ELOVL2: variants seen among roughly 807,000 people sequenced by gnomAD.
ELOVL2 encodes very long chain fatty acid elongase 2.
In ELOVL2, 38 loss-of-function variants were observed where a neutral mutation model predicts 37.7. That is an observed-to-expected ratio of 1.01 (90% CI 0.78 to 1.32). ELOVL2 has a LOEUF of 1.32. Among genes scored for constraint, ELOVL2 ranks in the 40% most tolerant of loss-of-function variants. The pLI is 0.00. For synonymous variants in ELOVL2, 115 were observed against 122.3 expected, an observed-to-expected ratio of 0.94 and a Z score of 0.40; for missense variants, 352 against 363.6, an observed-to-expected ratio of 0.97 and a Z score of 0.26.
chr6:11,017,170 T>C (rs542833189), intron 1 of ELOVL2, among the ~76,000 whole-genome samples: 8 of 152,320 alleles, frequency 5.3e-5, no homozygotes, highest in African/African-American at 1.9e-4. Context: ...CTAACCCTCA[T>C]GGGGAGTAAT....
Position 11,005,571 on chromosome 6 carries a change from CACAT to C in ELOVL2, c.68-16_68-13del. ...TCTGACTCGAGAATCTGAAAAGAAA[CACAT>C]ACAGTGAGGATCCTGAGGAATGATG... On this transcript the variant is annotated splice_polypyrimidine_tract_variant and intron_variant, in intron 2 of 7. Coordinates refer to ENST00000354666, the MANE Select transcript of ELOVL2 (RefSeq NM_017770.4). The C allele has an allele frequency of 6.2e-7, 1 of 1,608,606 alleles. No homozygotes were observed. Among genetic ancestry groups the C allele is most frequent in the Non-Finnish European group, 8.5e-7 (1 of 1,176,990 alleles).
intron 1 of ELOVL2, among the ~76,000 whole-genome samples, chr6:11,028,095 G>A (rs1782865489): frequency 6.6e-6 from 1 of 151,602 alleles, no homozygotes; most frequent in Non-Finnish European, 1.5e-5. Context: ...GACTTTGGGG[G>A]AAAAAAAACC....
At chr6:11,025,837 T>C (rs894120809) in intron 1 of ELOVL2, among the ~76,000 whole-genome samples, 17 of 152,252 alleles carry the variant, frequency 1.1e-4, no homozygotes, top group Admixed American at 7.8e-4. Context: ...CTCTCAGCTC[T>C]CAAAAATAAT....
chr6:11,044,276 G>T lies in ELOVL2; in HGVS notation c.-46C>A. 7.6e-7 allele frequency: 1 copy of T among 1,311,090 alleles called. No individual in the cohort carries two copies. Among genetic ancestry groups the T allele is most frequent in the Admixed American group, 4.1e-5 (1 of 24,338 alleles). The allele number at this position is 1,311,090 out of a possible 1,614,324, so 81.2% of individuals were successfully genotyped here. ...CGGCGACCCGGGCGGGCGGCGATGC[G>T]CTGTCCAGGGTAGCCGGGTCCCTCT... is the stretch of plus-strand genomic sequence containing the variant. On this transcript the variant is annotated 5_prime_UTR_variant, in exon 1 of 8. Coordinates refer to ENST00000354666, the MANE Select transcript of ELOVL2 (RefSeq NM_017770.4). The surrounding 1 kb of genome is among the most constrained non-coding windows in gnomAD (Gnocchi z 5.6).
intron 7 of ELOVL2, among the ~76,000 whole-genome samples, chr6:10,988,012 C>A (rs1328648381): frequency 6.6e-6 from 1 of 152,158 alleles, no homozygotes; most frequent in African/African-American, 2.4e-5. Context: ...ATTACCTACT[C>A]TTGCTGGGCT....
At chr6:11,030,610 G>A (rs1248571931) in intron 1 of ELOVL2, among the ~76,000 whole-genome samples, 3 of 151,976 alleles carry the variant, frequency 2.0e-5, no homozygotes, top group Non-Finnish European at 4.4e-5. Context: ...TCCTGCCTCA[G>A]CCTCCTGAGT....
intron 1 of ELOVL2, among the ~76,000 whole-genome samples, chr6:11,029,447 A>T (rs1782887781): frequency 6.6e-6 from 1 of 152,096 alleles, no homozygotes; most frequent in Non-Finnish European, 1.5e-5. Flanking sequence ...ATACTTGTAA[A>T]AGCATCTATG....
In ELOVL2 at chr6:11,000,182, A is replaced by G. The variant is rs757153809; in HGVS notation, c.256-18T>C. The G allele has an allele frequency of 3.7e-5, 59 of 1,610,960 alleles. No homozygotes were observed. In the Admixed American group the frequency reaches 3.7e-4, roughly 10 times the overall value. On this transcript the variant is annotated intron_variant, in intron 3 of 7. Transcript: ENST00000354666. Reference sequence around the variant, plus strand: ...AGAATGAGCTGCCAAAGAACCAAGAAAGAAAGAAAAACAAACATCAGCACA... The same window carrying G: ...AGAATGAGCTGCCAAAGAACCAAGAGAGAAAGAAAAACAAACATCAGCACA...
chr6:10,996,281 A>G (rs1471468213), intron 4 of ELOVL2, among the ~76,000 whole-genome samples: 1 of 152,244 alleles, frequency 6.6e-6, no homozygotes, highest in Non-Finnish European at 1.5e-5. Flanking sequence ...ATTAAACTAC[A>G]AATAAATATA....
At chr6:11,043,884 AG>A (rs1398642528) in intron 1 of ELOVL2, 1 of 223,640 alleles carries the variant, frequency 4.5e-6, no homozygotes, top group Non-Finnish European at 8.7e-6. Flanking sequence ...GCCGCGAAGG[AG>A]GGGCGGCTTC....
At chr6:11,030,486 T>G (rs1027008094) in intron 1 of ELOVL2, among the ~76,000 whole-genome samples, 32 of 152,030 alleles carry the variant, frequency 2.1e-4, no homozygotes, top group African/African-American at 7.0e-4. Flanking sequence ...TCAAATCTTT[T>G]TTTTGTTTGT....
At chr6:10,995,558 C>T (rs1420254475) in intron 4 of ELOVL2, among the ~76,000 whole-genome samples, 2 of 152,188 alleles carry the variant, frequency 1.3e-5, no homozygotes, top group Non-Finnish European at 2.9e-5. Flanking sequence ...CTTACTCCTC[C>T]TCCAGCCATG....
chr6:10,990,579 C>CTAA, intron 5 of ELOVL2, 137 bp from the exon 6 acceptor site: 2 of 774,822 alleles, frequency 2.6e-6, no homozygotes, highest in Non-Finnish European at 3.7e-6. Flanking sequence ...AAAATCCACA[C>CTAA]TAATAAATTC....
chr6:10,999,193 CATTT>C (rs1044722954), intron 4 of ELOVL2, among the ~76,000 whole-genome samples: 2 of 152,070 alleles, frequency 1.3e-5, no homozygotes, highest in Non-Finnish European at 2.9e-5. Flanking sequence ...TAGGTATATT[CATTT>C]ATTTAAGTTT....
At chr6:11,038,131 C>G (rs1487206050) in intron 1 of ELOVL2, among the ~76,000 whole-genome samples, 1 of 152,154 alleles carries the variant, frequency 6.6e-6, no homozygotes, top group Non-Finnish European at 1.5e-5. Flanking sequence ...TTCTTTGAAA[C>G]TGTAAAGTAG....
chr6:10,997,770 G>A (rs899226281), intron 4 of ELOVL2, among the ~76,000 whole-genome samples: 3 of 152,210 alleles, frequency 2.0e-5, no homozygotes, highest in Admixed American at 1.3e-4. Flanking sequence ...CAGGAGGTAC[G>A]TAATTTCCGG....
In ELOVL2 at chr6:11,021,551, G is replaced by C. The variant is rs575632432; in HGVS notation, c.4-10742C>G. 1.9e-3 allele frequency among the ~76,000 whole-genome samples: 283 copies of C among 152,146 alleles called. 1 individual carries two copies. The highest frequency in any genetic ancestry group is 3.4e-3 in the Non-Finnish European group (233 of 68,000). On this transcript the variant is annotated intron_variant, in intron 1 of 7. Coordinates refer to ENST00000354666, the MANE Select transcript of ELOVL2 (RefSeq NM_017770.4). ...TAGGAGAGTAGGAAGAGAGAACAGA[G>C]ACAAGGAGAAAGCTTTGGGAAAGTA... is the stretch of plus-strand genomic sequence containing the variant.
At chr6:11,043,216 G>C (rs1783129866) in intron 1 of ELOVL2, among the ~76,000 whole-genome samples, 1 of 152,168 alleles carries the variant, frequency 6.6e-6, no homozygotes, top group South Asian at 2.1e-4. Flanking sequence ...AAGTCCTGAA[G>C]TGGAGAGAAA....
intron 1 of ELOVL2, among the ~76,000 whole-genome samples, chr6:11,035,380 G>A (rs575185387): frequency 6.6e-6 from 1 of 152,300 alleles, no homozygotes; most frequent in Admixed American, 6.5e-5. Flanking sequence ...CTGTAGGTCC[G>A]ACCTCACGTA....
Sources: gnomAD v4.1 joint callset for allele counts (sites outside exome capture counted in the v4.1 genomes callset) on GRCh38, gnomAD v4.1.1 for gene constraint, Gnocchi (gnomAD v3.1) non-coding constraint, MANE v1.5 for transcripts, NCBI Gene and HGNC (gene_info 2026-07-23, HGNC 2026-07-21) for gene names.